Variants in EPHA6 observed in about 807,000 individuals in gnomAD.
EPHA6 encodes the protein EPH receptor A6.
In EPHA6, 50 loss-of-function variants were observed where a neutral mutation model predicts 112.0. That is an observed-to-expected ratio of 0.45 (90% CI 0.36 to 0.56). The LOEUF (loss-of-function observed/expected upper bound fraction) is 0.56. Among genes scored for constraint, EPHA6 ranks in the 20% least tolerant of loss-of-function variants. EPHA6 has a pLI of 0.00. For synonymous variants in EPHA6, 529 were observed against 490.7 expected (o/e 1.08, Z -1.03); for missense variants, 1,280 against 1,417.4 (o/e 0.90, Z 1.56).
At chr3:97,544,170 C>A (rs554037886) in intron 11 of EPHA6, among the ~76,000 whole-genome samples, 27 of 152,038 alleles carry the variant, frequency 1.8e-4, no homozygotes, top group Admixed American at 8.5e-4. Context: ...GTCTTGTGCC[C>A]ATTTTCAAAG....
intron 15 of EPHA6, among the ~76,000 whole-genome samples, chr3:97,723,668 G>T (rs2034628661): frequency 6.6e-6 from 1 of 151,612 alleles, no homozygotes; most frequent in Non-Finnish European, 1.5e-5. Flanking sequence ...GCAAGAATCT[G>T]GGAAAAGGGG....
At chr3:97,270,688 A>G (rs1023782017) in intron 5 of EPHA6, among the ~76,000 whole-genome samples, 2 of 152,222 alleles carry the variant, frequency 1.3e-5, no homozygotes, top group Admixed American at 1.3e-4. Flanking sequence ...GACTGCTTTT[A>G]TTCAGTTTCT....
chr3:96,994,023 C>A (rs978730968), intron 3 of EPHA6, among the ~76,000 whole-genome samples: 24 of 151,890 alleles, frequency 1.6e-4, no homozygotes, highest in African/African-American at 5.8e-4. Context: ...ATATTTTATC[C>A]AAAAAGTCGT....
At chr3:97,730,553 CTAGTT>C (rs1375265429) in intron 15 of EPHA6, among the ~76,000 whole-genome samples, 3 of 152,064 alleles carry the variant, frequency 2.0e-5, no homozygotes. Flanking sequence ...AAAATTCTCT[CTAGTT>C]AATTATCACC....
chr3:96,878,289 G>A (rs1466653015), intron 2 of EPHA6, among the ~76,000 whole-genome samples: 2 of 151,904 alleles, frequency 1.3e-5, no homozygotes, highest in East Asian at 3.9e-4. Flanking sequence ...GACATGAATG[G>A]AGGCCCATAT....
At chr3:96,951,763 T>G (rs2041545614) in intron 2 of EPHA6, among the ~76,000 whole-genome samples, 1 of 152,184 alleles carries the variant, frequency 6.6e-6, no homozygotes, top group South Asian at 2.1e-4. Flanking sequence ...CCAAGTTATA[T>G]TATGCAGTTT....
intron 6 of EPHA6, among the ~76,000 whole-genome samples, chr3:97,434,340 T>C (rs1043064385): frequency 6.6e-6 from 1 of 152,136 alleles, no homozygotes; most frequent in African/African-American, 2.4e-5. Flanking sequence ...GAGTTCTTCA[T>C]GCCTACAACA....
At chr3:97,103,026 T>G (rs1318548210) in intron 3 of EPHA6, among the ~76,000 whole-genome samples, 2 of 152,184 alleles carry the variant, frequency 1.3e-5, no homozygotes, top group South Asian at 2.1e-4. Context: ...TGCTAGATAT[T>G]ACATCTTTGT....
At chr3:97,624,502 T>C (rs1401549404) in intron 13 of EPHA6, among the ~76,000 whole-genome samples, 1 of 151,638 alleles carries the variant, frequency 6.6e-6, no homozygotes, top group Non-Finnish European at 1.5e-5. Flanking sequence ...TATTGGTCTA[T>C]AGTAATGTGG....
chr3:97,348,375 C>T (rs1003068635), intron 5 of EPHA6, among the ~76,000 whole-genome samples: 3 of 151,950 alleles, frequency 2.0e-5, no homozygotes, highest in African/African-American at 7.2e-5. Context: ...AGTGAATGCG[C>T]ATACATATTA....
At chr3:96,874,461 T>C (rs1298903980) in intron 2 of EPHA6, among the ~76,000 whole-genome samples, 1 of 152,102 alleles carries the variant, frequency 6.6e-6, no homozygotes. Flanking sequence ...TTATTGACTG[T>C]AGGCTAATTA....
At chr3:97,555,217 G>C (rs1577759461) in intron 11 of EPHA6, among the ~76,000 whole-genome samples, 2 of 151,982 alleles carry the variant, frequency 1.3e-5, no homozygotes, top group South Asian at 2.1e-4. Flanking sequence ...TACTGAGAAT[G>C]ATGATTTCCA....
chr3:97,312,280 C>G (rs148410902), intron 5 of EPHA6, among the ~76,000 whole-genome samples: 89 of 151,518 alleles, frequency 5.9e-4, no homozygotes, highest in African/African-American at 2.1e-3. Flanking sequence ...TTTTCATGAC[C>G]TATTATACCA....
At chr3:97,231,354 C>T (rs970908444) in intron 4 of EPHA6, among the ~76,000 whole-genome samples, 1 of 152,170 alleles carries the variant, frequency 6.6e-6, no homozygotes, top group Non-Finnish European at 1.5e-5. Context: ...AATTCACTGT[C>T]TTTTAAAGCC....
At chr3:97,350,048 GTT>G (rs2083729395) in intron 5 of EPHA6, among the ~76,000 whole-genome samples, 2 of 151,796 alleles carry the variant, frequency 1.3e-5, no homozygotes, top group South Asian at 4.1e-4. Flanking sequence ...AACTCCCATG[GTT>G]TGTTTCCGGG....
At chr3:97,516,428 A>C (rs1159777436) in intron 10 of EPHA6, among the ~76,000 whole-genome samples, 1 of 152,200 alleles carries the variant, frequency 6.6e-6, no homozygotes, top group Non-Finnish European at 1.5e-5. Flanking sequence ...GAAACTTGTA[A>C]GTTTTCTTTA....
intron 11 of EPHA6, among the ~76,000 whole-genome samples, chr3:97,555,389 T>A (rs2093091419): frequency 6.6e-6 from 1 of 152,096 alleles, no homozygotes; most frequent in South Asian, 2.1e-4. Flanking sequence ...GCAATAAACA[T>A]ACGTGTGCAT....
At chr3:96,894,854 A>G (rs1051420413) in intron 2 of EPHA6, among the ~76,000 whole-genome samples, 1 of 152,030 alleles carries the variant, frequency 6.6e-6, no homozygotes, top group Non-Finnish European at 1.5e-5. Context: ...AAAAAGGAGA[A>G]CCCCCAGAAA....
At chr3:97,340,672 C>A (rs966338248) in intron 5 of EPHA6, among the ~76,000 whole-genome samples, 1 of 152,132 alleles carries the variant, frequency 6.6e-6, no homozygotes, top group South Asian at 2.1e-4. Flanking sequence ...ATTAAAGTAG[C>A]AGCAAATTTG....
Sources: allele counts gnomAD v4.1 joint callset (sites outside exome capture counted in the v4.1 genomes callset), GRCh38; gene constraint gnomAD v4.1.1; transcripts MANE v1.5; gene names NCBI Gene and HGNC (gene_info 2026-07-23, HGNC 2026-07-21).